The following CSMD1 variants were observed in gnomAD, a reference collection of about 807,000 sequenced individuals.
CSMD1 encodes CUB and sushi domain-containing protein 1.
In CSMD1, 213 loss-of-function variants were observed where a neutral mutation model predicts 417.5. That is an observed-to-expected ratio of 0.51 (90% CI 0.46 to 0.57). The LOEUF is 0.57. Among genes scored for constraint, CSMD1 ranks in the 20% least tolerant of loss-of-function variants. The pLI is 0.00. For synonymous variants in CSMD1, 2,862 were observed against 1,736.8 expected (o/e 1.65, Z -16.11); for missense variants, 6,923 against 4,529.7 (o/e 1.53, Z -15.17).
At chr8:4,887,110 A>G (rs1160128675) in intron 1 of CSMD1, among the ~76,000 whole-genome samples, 4 of 152,044 alleles carry the variant, frequency 2.6e-5, no homozygotes, top group Non-Finnish European at 5.9e-5. Context: ...ATAAACATTT[A>G]CAGCTATAAA....
chr8:3,178,155 T>C (rs578013828), intron 37 of CSMD1, among the ~76,000 whole-genome samples: 9 of 152,296 alleles, frequency 5.9e-5, no homozygotes, highest in Non-Finnish European at 1.2e-4. Flanking sequence ...AACCAGACTT[T>C]CTTGGAACTG....
chr8:3,457,146 G>C (rs886300766), intron 12 of CSMD1, among the ~76,000 whole-genome samples: 1 of 148,722 alleles, frequency 6.7e-6, no homozygotes, highest in Non-Finnish European at 1.5e-5. Context: ...ACTCGTCACT[G>C]AACACCTCAT....
intron 21 of CSMD1, among the ~76,000 whole-genome samples, chr8:3,350,043 A>C (rs903780293): frequency 1.4e-5 from 2 of 144,204 alleles, no homozygotes; most frequent in African/African-American, 5.1e-5. Context: ...TATAATACCT[A>C]TAATAACCTA....
At chr8:4,069,829 C>A (rs182831951) in intron 3 of CSMD1, among the ~76,000 whole-genome samples, 2 of 152,264 alleles carry the variant, frequency 1.3e-5, no homozygotes, top group African/African-American at 2.4e-5. Context: ...GAAAGAATAT[C>A]GAAATGAAGA....
intron 7 of CSMD1, among the ~76,000 whole-genome samples, chr8:3,649,121 A>T (rs1436564517): frequency 1.3e-5 from 2 of 152,198 alleles, no homozygotes; most frequent in Non-Finnish European, 2.9e-5. Context: ...CAGTAGCAAT[A>T]CTGTACCATT....
intron 20 of CSMD1, among the ~76,000 whole-genome samples, chr8:3,361,413 G>A (rs1225083444): frequency 6.6e-6 from 1 of 151,836 alleles, no homozygotes; most frequent in Non-Finnish European, 1.5e-5. Context: ...TGGATCATGA[G>A]GTCAGGAGTT....
chr8:3,378,043 A>C (rs1810418954), intron 18 of CSMD1, among the ~76,000 whole-genome samples: 1 of 152,182 alleles, frequency 6.6e-6, no homozygotes, highest in Non-Finnish European at 1.5e-5. Context: ...GGAGGTTGAA[A>C]ATGATTTAAA....
intron 1 of CSMD1, among the ~76,000 whole-genome samples, chr8:4,987,923 G>C (rs1227108521): frequency 6.6e-6 from 1 of 152,162 alleles, no homozygotes; most frequent in African/African-American, 2.4e-5. Flanking sequence ...GGGGTGTCTT[G>C]GACTTTAGGC....
At chr8:4,942,619 T>C (rs992164744) in intron 1 of CSMD1, among the ~76,000 whole-genome samples, 14 of 152,342 alleles carry the variant, frequency 9.2e-5, no homozygotes, top group Admixed American at 7.8e-4. Context: ...TGTTCCAATA[T>C]GGATCTTGCC....
intron 16 of CSMD1, among the ~76,000 whole-genome samples, chr8:3,397,165 G>A (rs554775108): frequency 1.3e-5 from 2 of 152,286 alleles, no homozygotes; most frequent in East Asian, 1.9e-4. Context: ...GATCCTCGAA[G>A]AGCTAACCCG....
At chr8:4,221,594 C>CA (rs913564615) in intron 3 of CSMD1, among the ~76,000 whole-genome samples, 13 of 151,608 alleles carry the variant, frequency 8.6e-5, no homozygotes, top group East Asian at 1.9e-4. Context: ...AACAGTGCTC[C>CA]AAAAAAAAGA....
intron 3 of CSMD1, among the ~76,000 whole-genome samples, chr8:4,356,263 G>T (rs117776756): frequency 1.3e-5 from 2 of 151,866 alleles, no homozygotes; most frequent in Non-Finnish European, 2.9e-5. Context: ...ATCTCATCCC[G>T]GTCACTGCAA....
chr8:4,934,395 A>T (rs11136806), intron 1 of CSMD1, among the ~76,000 whole-genome samples: 1 of 152,144 alleles, frequency 6.6e-6, no homozygotes, highest in Non-Finnish European at 1.5e-5. Context: ...GCCATCAAGA[A>T]TAATAATTCA....
At chr8:3,286,616 A>G (rs1294679255) in intron 25 of CSMD1, among the ~76,000 whole-genome samples, 10 of 151,730 alleles carry the variant, frequency 6.6e-5, no homozygotes, top group Non-Finnish European at 1.2e-4. Context: ...TTGGCTGCAT[A>G]AATGTCTTCT....
chr8:4,532,551 T>A (rs578206229), intron 2 of CSMD1, among the ~76,000 whole-genome samples: 1 of 111,476 alleles, frequency 9.0e-6, no homozygotes, highest in South Asian at 3.0e-4. Context: ...CCATTCAGAG[T>A]CACTCTGGAA....
rs376036084 is a variant in CSMD1 at position 4,703,501 on chromosome 8, T to C, written c.86-65943A>G. On this transcript the variant is annotated intron_variant, in intron 1 of 69. Coordinates refer to ENST00000635120, the MANE Select transcript of CSMD1 (RefSeq NM_033225.6). ...TTGTAATTATTTAAAACATGTATAC[T>C]TCATGAAAGTTATAAAATTGATACA... Among the ~76,000 whole-genome samples the C allele has an allele frequency of 1.5e-3, 224 of 152,278 alleles. 7 individuals carry two copies. The South Asian group carries it at 0.041, about 28-fold the overall frequency.
At chr8:4,293,956 G>A (rs1273372437) in intron 3 of CSMD1, among the ~76,000 whole-genome samples, 2 of 151,840 alleles carry the variant, frequency 1.3e-5, no homozygotes, top group African/African-American at 2.4e-5. Flanking sequence ...CTTTCTACAA[G>A]TTCTAAAGCT....
chr8:4,888,851 G>A (rs989945014), intron 1 of CSMD1, among the ~76,000 whole-genome samples: 1 of 152,058 alleles, frequency 6.6e-6, no homozygotes, highest in African/African-American at 2.4e-5. Flanking sequence ...GAGATTTTCA[G>A]CAACAAAGAG....
intron 1 of CSMD1, among the ~76,000 whole-genome samples, chr8:4,652,815 G>A (rs1276910334): frequency 1.3e-5 from 2 of 152,102 alleles, no homozygotes; most frequent in African/African-American, 2.4e-5. Context: ...TGGGGCATTA[G>A]ATTCTCATAA....
Sources: gnomAD v4.1 joint callset for allele counts (sites outside exome capture counted in the v4.1 genomes callset) on GRCh38, gnomAD v4.1.1 for gene constraint, MANE v1.5 for transcripts, NCBI Gene and HGNC (gene_info 2026-07-23, HGNC 2026-07-21) for gene names.